Variants in KCNK10 observed in about 807,000 individuals in gnomAD.
KCNK10 encodes potassium channel subfamily K member 10.
In KCNK10, 25 loss-of-function variants were observed where a neutral mutation model predicts 47.7. The ratio of observed to expected loss-of-function variants is 0.52; its 90% CI spans 0.38 to 0.73. The LOEUF (loss-of-function observed/expected upper bound fraction) is 0.73. KCNK10 is among the 30% of genes least tolerant of loss of function. The pLI, the probability that KCNK10 is intolerant of heterozygous loss-of-function variation, is 0.00. For missense variants in KCNK10, 563 were observed against 714.5 expected, an observed-to-expected ratio of 0.79 and a Z score of 2.42; for synonymous variants, 303 against 285.6, an observed-to-expected ratio of 1.06 and a Z score of -0.61.
chr14:88,306,767 G>A (rs760036793), intron 1 of KCNK10, among the ~76,000 whole-genome samples: 1 of 152,122 alleles, frequency 6.6e-6, no homozygotes, highest in Non-Finnish European at 1.5e-5. Flanking sequence ...AACACAAGAA[G>A]GATGACATTT....
rs979171698 is a variant in KCNK10 at position 88,197,838 on chromosome 14, A to G, written c.682-5428T>C. ...GGAGGGAGGGAAGGAAGGAAGAAAC[A>G]GAAGGAAGGAAGGAGGGAAGGGAGA... On this transcript the variant is annotated intron_variant, in intron 4 of 6. Coordinates refer to ENST00000319231, the MANE Select transcript of KCNK10 (RefSeq NM_138317.3). 5.5e-5 allele frequency among the ~76,000 whole-genome samples: 8 copies of G among 146,188 alleles called. No homozygotes were observed. In the East Asian group the frequency reaches 1.6e-3, roughly 29 times the overall value.
chr14:88,203,494 C>T (rs1885168888), intron 4 of KCNK10, among the ~76,000 whole-genome samples: 1 of 152,202 alleles, frequency 6.6e-6, no homozygotes, highest in African/African-American at 2.4e-5. Context: ...TGGAACAGGC[C>T]TGGAATTCTG....
intron 1 of KCNK10, among the ~76,000 whole-genome samples, chr14:88,315,696 G>T (rs1888416942): frequency 1.3e-5 from 2 of 152,044 alleles, no homozygotes; most frequent in African/African-American, 4.8e-5. Context: ...GTCTGCAAAG[G>T]TTACCGTGAC....
At chr14:88,280,462 G>A (rs1298750002) in intron 1 of KCNK10, among the ~76,000 whole-genome samples, 1 of 151,984 alleles carries the variant, frequency 6.6e-6, no homozygotes. Context: ...TGGCTCCCAG[G>A]TCTATACACC....
At chr14:88,202,383 A>T (rs1160890930) in intron 4 of KCNK10, among the ~76,000 whole-genome samples, 5 of 151,948 alleles carry the variant, frequency 3.3e-5, no homozygotes, top group Non-Finnish European at 7.4e-5. Context: ...AAAGACAGAG[A>T]CCTCCTCCCA....
rs116878345 is a variant in KCNK10, at chr14:88,302,325, C to G, written c.52+20422G>C. Among the ~76,000 whole-genome samples the G allele has an allele frequency of 9.8e-5, 15 of 152,290 alleles. No homozygotes were observed. The East Asian group carries it at 1.9e-3, about 20-fold the overall frequency. On this transcript the variant is annotated intron_variant, in intron 1 of 6. Coordinates refer to ENST00000319231, the MANE Select transcript of KCNK10 (RefSeq NM_138317.3). ...CTACAGATCCTGACAAGAAGGACCT[C>G]AGGTCTAACTATTTGGGCATTCCAC...
intron 1 of KCNK10, among the ~76,000 whole-genome samples, chr14:88,307,039 A>G (rs1442988084): frequency 6.6e-6 from 1 of 152,150 alleles, no homozygotes; most frequent in African/African-American, 2.4e-5. Flanking sequence ...TCTCTATAGA[A>G]ATGGTGTTCA....
intron 3 of KCNK10, among the ~76,000 whole-genome samples, chr14:88,238,861 C>A (rs1320789693): frequency 6.6e-6 from 1 of 152,080 alleles, no homozygotes; most frequent in Non-Finnish European, 1.5e-5. Context: ...ACTGAGAAGC[C>A]ACTGCAGGGT....
At chr14:88,310,623 T>TA (rs1241134749) in intron 1 of KCNK10, among the ~76,000 whole-genome samples, 5 of 152,160 alleles carry the variant, frequency 3.3e-5, no homozygotes, top group Non-Finnish European at 7.3e-5. Flanking sequence ...TTCACGCTCC[T>TA]ATAGAAACTG....
intron 1 of KCNK10, among the ~76,000 whole-genome samples, chr14:88,290,943 G>A (rs1177255956): frequency 6.6e-6 from 1 of 152,204 alleles, no homozygotes; most frequent in Non-Finnish European, 1.5e-5. Context: ...CAGGAAACAG[G>A]CAGGGAGGTA....
At chr14:88,305,743 A>G (rs1312578263) in intron 1 of KCNK10, among the ~76,000 whole-genome samples, 1 of 152,220 alleles carries the variant, frequency 6.6e-6, no homozygotes, top group Non-Finnish European at 1.5e-5. Context: ...AGAAATCGCC[A>G]GTAGGGAATT....
intron 4 of KCNK10, among the ~76,000 whole-genome samples, chr14:88,197,587 A>T (rs1884957739): frequency 1.5e-5 from 2 of 134,142 alleles, no homozygotes; most frequent in Non-Finnish European, 3.1e-5. Flanking sequence ...AAAAAAAAAA[A>T]AAAAAAAAAA....
chr14:88,291,171 C>T (rs1257334077), intron 1 of KCNK10, among the ~76,000 whole-genome samples: 1 of 152,236 alleles, frequency 6.6e-6, no homozygotes, highest in Non-Finnish European at 1.5e-5. Context: ...TTGGCTTTCT[C>T]AGGCACAGGA....
chr14:88,324,384 G>A (rs1408133966), upstream of KCNK10, among the ~76,000 whole-genome samples: 5 of 152,174 alleles, frequency 3.3e-5, no homozygotes, highest in Non-Finnish European at 5.9e-5. Context: ...GCCTCGCAAC[G>A]GAGCCTTACA....
At chr14:88,308,895 G>A (rs139747223) in intron 1 of KCNK10, among the ~76,000 whole-genome samples, 1 of 152,288 alleles carries the variant, frequency 6.6e-6, no homozygotes, top group Non-Finnish European at 1.5e-5. Context: ...TTTTTGCCAA[G>A]CAATGGAATA....
At chr14:88,201,327 A>C (rs571896846) in intron 4 of KCNK10, among the ~76,000 whole-genome samples, 86 of 152,308 alleles carry the variant, frequency 5.6e-4, no homozygotes, top group Admixed American at 1.7e-3. Context: ...AAAGAGGAGC[A>C]CTGTTCCTTC....
intron 4 of KCNK10, among the ~76,000 whole-genome samples, 163 bp downstream of exon 4, chr14:88,227,212 G>A (rs191412426): frequency 6.1e-4 from 93 of 152,304 alleles, no homozygotes; most frequent in Non-Finnish European, 1.1e-3. Context: ...GAGTTTAGGT[G>A]CAAGATGTTT....
At chr14:88,254,295 G>A (rs890881616) in intron 2 of KCNK10, among the ~76,000 whole-genome samples, 15 of 152,182 alleles carry the variant, frequency 9.9e-5, no homozygotes, top group African/African-American at 3.4e-4. Context: ...GAGAGGAATA[G>A]ACCCCTGTCG....
At chr14:88,310,905 C>A (rs557943375) in intron 1 of KCNK10, among the ~76,000 whole-genome samples, 2 of 152,088 alleles carry the variant, frequency 1.3e-5, no homozygotes, top group East Asian at 3.9e-4. Context: ...AGAATATGAG[C>A]GAGCGCACCA....
Sources: allele counts gnomAD v4.1 joint callset (sites outside exome capture counted in the v4.1 genomes callset), GRCh38; gene constraint gnomAD v4.1.1; transcripts MANE v1.5; gene names NCBI Gene and HGNC (gene_info 2026-07-23, HGNC 2026-07-21).